The following CDK5RAP3 variants were observed in gnomAD, a reference collection of about 807,000 sequenced individuals.
CDK5RAP3 encodes the protein CDK5 regulatory subunit associated protein 3.
CDK5RAP3 carries 58 observed loss-of-function variants against 73.3 expected under a neutral mutation model. That is an observed-to-expected ratio of 0.79 (90% CI 0.64 to 0.98). CDK5RAP3 has a LOEUF of 0.98. Ranked by LOEUF, CDK5RAP3 falls within the 50% of genes least tolerant of loss-of-function variation. CDK5RAP3 has a pLI of 0.00. For synonymous variants in CDK5RAP3, 224 were observed against 247.5 expected (o/e 0.91, Z 0.89); for missense variants, 525 against 615.8 (o/e 0.85, Z 1.56).
upstream of CDK5RAP3, among the ~76,000 whole-genome samples, chr17:47,968,243 C>T (rs1220544116): frequency 1.3e-5 from 2 of 152,012 alleles, no homozygotes; most frequent in Non-Finnish European, 2.9e-5. Flanking sequence ...CTGAAAAGGC[C>T]CTTAATTCAG....
At chr17:47,981,059 C>T in intron 12 of CDK5RAP3, 104 bp from the exon 13 acceptor site, 1 of 1,267,918 alleles carries the variant, frequency 7.9e-7, no homozygotes, top group South Asian at 1.4e-5. Context: ...GGGTAAGCGG[C>T]CAGTTGGGGG....
At chr17:47,969,556 CAAAAAAAAAAAAAAAA>C (rs36208323), upstream of CDK5RAP3, among the ~76,000 whole-genome samples, 1 of 79,848 alleles carries the variant, frequency 1.3e-5, no homozygotes, top group Non-Finnish European at 2.2e-5. Flanking sequence ...GACTCCGTCT[CAAAAAAAAAAAAAAAA>C]AAAAAAAAAA....
At chr17:47,972,135 C>G (rs933964564) in intron 2 of CDK5RAP3, among the ~76,000 whole-genome samples, 1 of 152,028 alleles carries the variant, frequency 6.6e-6, no homozygotes, top group African/African-American at 2.4e-5. Flanking sequence ...CCACCTCCCC[C>G]TTGATTTTAG....
intron 10 of CDK5RAP3, chr17:47,978,595 T>C (rs1344111931): frequency 3.9e-6 from 2 of 519,206 alleles, no homozygotes; most frequent in Non-Finnish European, 6.9e-6. Flanking sequence ...AGCCGGCCTT[T>C]CTACCCCTCT....
chr17:47,971,187 GCCGCGGAC>G, intron 1 of CDK5RAP3, 35 bp downstream of exon 1: 1 of 1,537,036 alleles, frequency 6.5e-7, no homozygotes, highest in Non-Finnish European at 8.8e-7. Flanking sequence ...CTGGGGACTG[GCCGCGGAC>G]CCCTAACCTG....
At position 47,976,796 on chromosome 17, in the gene CDK5RAP3, G is replaced by C; in HGVS notation, c.883G>C (p.Gly295Arg). Residue 295 changes from glycine (G) to arginine (R), a missense_variant, in exon 9 of 14, where the codon GGC becomes CGC. Gly to Arg is a moderately radical substitution (Grantham distance 125, BLOSUM62 -2). Transcript: ENST00000338399. ...TGCCGAGGCTGCTGGAATCGACTGG[G>C]GCATCTTCCCGGAATCAGATTCAAA... ...ISAEAAGIDW[G>R]IFPESDSKDP... The C allele has an allele frequency of 6.2e-7, 1 of 1,610,704 alleles. No homozygotes were observed.
chr17:47,970,826 C>A, upstream of CDK5RAP3: 1 of 1,417,850 alleles, frequency 7.1e-7, no homozygotes, highest in Non-Finnish European at 9.5e-7. Flanking sequence ...GGCTGCCAGG[C>A]TGGGCTCTCG....
At chr17:47,972,128 C>T (rs2036285874) in intron 2 of CDK5RAP3, among the ~76,000 whole-genome samples, 1 of 151,870 alleles carries the variant, frequency 6.6e-6, no homozygotes, top group Non-Finnish European at 1.5e-5. Context: ...AAAGCTTCCA[C>T]CTCCCCCTTG....
chr17:47,970,694 G>C (rs1163176487), upstream of CDK5RAP3: 2 of 1,535,614 alleles, frequency 1.3e-6, no homozygotes, highest in African/African-American at 2.7e-5. Context: ...CACTGCTCTG[G>C]ATGGTAAAGC....
intron 2 of CDK5RAP3, among the ~76,000 whole-genome samples, chr17:47,973,222 G>A (rs1293094983): frequency 6.6e-6 from 1 of 152,080 alleles, no homozygotes; most frequent in Admixed American, 6.6e-5. Context: ...AAATATTATG[G>A]GGAATTGAGA....
chr17:47,973,389 C>A, intron 2 of CDK5RAP3, 130 bp from the exon 3 acceptor site: 1 of 1,019,640 alleles, frequency 9.8e-7, no homozygotes, highest in Middle Eastern at 3.3e-4. Flanking sequence ...TTCCCATCTT[C>A]CCATGACCCC....
At chr17:47,971,258 C>T in intron 1 of CDK5RAP3, 104 bp from the exon 2 acceptor site, 2 of 1,537,708 alleles carry the variant, frequency 1.3e-6, no homozygotes, top group Non-Finnish European at 1.8e-6. Context: ...GCTCTGGCCC[C>T]GTTCTGGCCC....
intron 5 of CDK5RAP3, chr17:47,974,859 A>G: frequency 1.5e-6 from 2 of 1,292,302 alleles, no homozygotes; most frequent in South Asian, 1.5e-5. Context: ...GGTTGGGTGT[A>G]GTATAAATAA....
At chr17:47,976,047 G>A in intron 8 of CDK5RAP3, 34 bp downstream of exon 8, 3 of 1,602,830 alleles carry the variant, frequency 1.9e-6, no homozygotes, top group Non-Finnish European at 2.6e-6. Context: ...TGTAGGAGTG[G>A]AGTGGGAGCT....
intron 2 of CDK5RAP3, among the ~76,000 whole-genome samples, chr17:47,973,002 AG>A (rs1406043999): frequency 2.0e-5 from 3 of 152,168 alleles, no homozygotes; most frequent in African/African-American, 4.8e-5. Flanking sequence ...TCACATGTAC[AG>A]GGTGGTACTT....
chr17:47,978,073 T>TTG (rs2036460086), intron 10 of CDK5RAP3, 163 bp downstream of exon 10: 1 of 527,772 alleles, frequency 1.9e-6, no homozygotes, highest in East Asian at 3.3e-5. Flanking sequence ...AGAGAGGTTT[T>TTG]TTTTTTTTTT....
rs746402949 is a variant in CDK5RAP3 at position 47,975,315 on chromosome 17, C to T, written c.491C>T (p.Ser164Phe). ...AAEMREQFYH[S>F]CKQYGITGEN... The stretch of plus-strand genomic sequence containing the variant: ...GAGATGCGGGAGCAGTTCTACCACT[C>T]CTGCAAGCAGTATGGCATCACGGTG... The change falls in exon 6 of 14, where the codon TCC (serine) becomes TTC (phenylalanine). Residue 164 changes from serine to phenylalanine, a missense_variant. By Grantham distance (155) the Ser-to-Phe change is radical. Coordinates refer to ENST00000338399, the MANE Select transcript of CDK5RAP3 (RefSeq NM_176096.3). The T allele has an allele frequency of 6.2e-7, 1 of 1,614,026 alleles. No homozygotes were observed.
intron 6 of CDK5RAP3, 35 bp downstream of exon 6, chr17:47,975,372 A>C (rs1195022769): frequency 6.2e-7 from 1 of 1,607,660 alleles, no homozygotes; most frequent in Non-Finnish European, 8.5e-7. Flanking sequence ...GCCAGAGGAC[A>C]CCTGGGCCCC....
Position 47,975,857 on chromosome 17 carries a change from GCT to G in CDK5RAP3, c.654-9_654-8del. 6.2e-7 allele frequency: 1 copy of G among 1,614,132 alleles called. No homozygotes were observed. The highest frequency in any genetic ancestry group is 8.5e-7 in the Non-Finnish European group (1 of 1,180,034). On this transcript the variant is annotated splice_polypyrimidine_tract_variant and intron_variant, in intron 7 of 13. Coordinates refer to ENST00000338399, the MANE Select transcript of CDK5RAP3 (RefSeq NM_176096.3). ...TGGTCGGCAGGAGAGTCAGTTGTGT[GCT>G]CTGTTGAAGCCCCACAGAGCAGGTG...
Sources: allele counts gnomAD v4.1 joint callset (sites outside exome capture counted in the v4.1 genomes callset), GRCh38; gene constraint gnomAD v4.1.1; transcripts MANE v1.5; gene names NCBI Gene and HGNC (gene_info 2026-07-23, HGNC 2026-07-21).